Variants in MAN1C1 observed in about 807,000 individuals in gnomAD.
MAN1C1 encodes the protein mannosidase alpha class 1C member 1.
In MAN1C1, 49 loss-of-function variants were observed where a neutral mutation model predicts 71.5. The ratio of observed to expected loss-of-function variants is 0.69; its 90% CI spans 0.54 to 0.87. MAN1C1 has a LOEUF of 0.87. Ranked by LOEUF, MAN1C1 falls within the 40% of genes least tolerant of loss-of-function variation. MAN1C1 has a pLI of 0.00. For missense variants in MAN1C1, 743 were observed against 835.0 expected (o/e 0.89, Z 1.36); for synonymous variants, 352 against 343.7 (o/e 1.02, Z -0.27).
chr1:25,662,055 G>T (rs930341702), intron 1 of MAN1C1, among the ~76,000 whole-genome samples: 1 of 152,194 alleles, frequency 6.6e-6, no homozygotes, highest in Non-Finnish European at 1.5e-5. Flanking sequence ...TCAGGCCCTT[G>T]CAGGTAGTCA....
intron 1 of MAN1C1, among the ~76,000 whole-genome samples, chr1:25,637,601 T>C (rs1217566326): frequency 6.6e-6 from 1 of 151,910 alleles, no homozygotes; most frequent in Admixed American, 6.6e-5. Context: ...ACTATGTATT[T>C]TTTTTTTTTG....
chr1:25,749,656 C>A (rs1328145379), intron 4 of MAN1C1, among the ~76,000 whole-genome samples: 1 of 152,232 alleles, frequency 6.6e-6, no homozygotes, highest in Non-Finnish European at 1.5e-5. Context: ...CATTCTGCTG[C>A]CCAGGTGAGC....
At position 25,769,445 on chromosome 1, in the gene MAN1C1, C is replaced by A. The variant is rs1000059828; in HGVS notation, c.1142-2212C>A. Among the ~76,000 whole-genome samples, 2 of 152,080 alleles carry A rather than the reference C, an allele frequency of 1.3e-5. No individual in the cohort carries two copies. Among genetic ancestry groups the A allele is most frequent in the Non-Finnish European group, 2.9e-5 (2 of 68,002 alleles). On this transcript the variant is annotated intron_variant, in intron 7 of 11. Coordinates refer to ENST00000374332, the MANE Select transcript of MAN1C1 (RefSeq NM_020379.4). The surrounding 1 kb of genome is among the most constrained non-coding windows in gnomAD (Gnocchi z 4.8). Reference sequence around the variant, plus strand: ...CAGTGGGACTTTCACATGTGAGATGCCCACATAAGTGCCCCTGAGAGGCAG... The same window carrying A: ...CAGTGGGACTTTCACATGTGAGATGACCACATAAGTGCCCCTGAGAGGCAG...
intron 2 of MAN1C1, among the ~76,000 whole-genome samples, chr1:25,701,983 C>T (rs1322872677): frequency 6.6e-6 from 1 of 152,170 alleles, no homozygotes; most frequent in Non-Finnish European, 1.5e-5. Flanking sequence ...TCGCTTGAAC[C>T]TGAGAGGCAG....
rs763572420 is a variant in MAN1C1 at position 25,771,754 on chromosome 1, G to A, written c.1239G>A (p.Met413Ile). The change falls in exon 8 of 12, where the codon ATG (methionine) becomes ATA (isoleucine). Residue 413 changes from methionine (M) to isoleucine (I), a missense_variant. Met to Ile is a conservative substitution (Grantham distance 10). Coordinates refer to ENST00000374332, the MANE Select transcript of MAN1C1 (RefSeq NM_020379.4). ...SGKTDMEAKNMYYEALEAIET... is the reference protein window; with the variant it reads ...SGKTDMEAKNIYYEALEAIET... ...AGACAGATATGGAGGCTAAAAATAT[G>A]TACTACGAAGCCTTGGAGGTAAGAC... 1.9e-6 allele frequency: 3 copies of A among 1,613,480 alleles called. No individual in the cohort carries two copies. The Admixed American group carries it at 5.0e-5, about 27-fold the overall frequency.
chr1:25,703,537 C>T (rs1049360797), intron 2 of MAN1C1, among the ~76,000 whole-genome samples: 3 of 152,110 alleles, frequency 2.0e-5, no homozygotes, highest in African/African-American at 7.2e-5. Flanking sequence ...CAAAATTAGC[C>T]AGGTGTGGTG....
At position 25,725,534 on chromosome 1, in the gene MAN1C1, C is replaced by T. The variant is rs1002018117; in HGVS notation, c.638-21134C>T. Among the ~76,000 whole-genome samples, 1 of 152,162 alleles carries T rather than the reference C, an allele frequency of 6.6e-6. No individual in the cohort carries two copies. Among genetic ancestry groups the T allele is most frequent in the Admixed American group, 6.5e-5 (1 of 15,280 alleles). On this transcript the variant is annotated intron_variant, in intron 2 of 11. Transcript: ENST00000374332. This position sits in a 1 kb window ranked among gnomAD's most constrained non-coding sequence, Gnocchi z 4.8. The stretch of plus-strand genomic sequence containing the variant: ...GGCATTCTAGGTAAAGGGCACAGCA[C>T]GTGCAAGGGCATGGTGGCGTGAGAG...
At chr1:25,726,247 G>A (rs1383491640) in intron 2 of MAN1C1, among the ~76,000 whole-genome samples, 2 of 152,192 alleles carry the variant, frequency 1.3e-5, no homozygotes, top group Non-Finnish European at 2.9e-5. Context: ...GAAAGGGAAA[G>A]GGAGGGAGGA....
At chr1:25,767,620 T>C (rs1358198106) in intron 7 of MAN1C1, among the ~76,000 whole-genome samples, 3 of 39,764 alleles carry the variant, frequency 7.5e-5, no homozygotes, top group Admixed American at 3.0e-4. Flanking sequence ...ACATCCACAC[T>C]CCCCTCACAC....
At chr1:25,699,753 G>T (rs539246476) in intron 2 of MAN1C1, among the ~76,000 whole-genome samples, 1 of 152,148 alleles carries the variant, frequency 6.6e-6, no homozygotes, top group African/African-American at 2.4e-5. Flanking sequence ...CAGACAGCAG[G>T]GTCAGCCCTG....
chr1:25,702,638 G>A (rs1187608671), intron 2 of MAN1C1, among the ~76,000 whole-genome samples: 1 of 152,162 alleles, frequency 6.6e-6, no homozygotes, highest in African/African-American at 2.4e-5. Context: ...GTGTGACCTG[G>A]GGCAAGTGAA....
At chr1:25,729,580 C>T (rs1380858513) in intron 2 of MAN1C1, among the ~76,000 whole-genome samples, 1 of 151,564 alleles carries the variant, frequency 6.6e-6, no homozygotes, top group Non-Finnish European at 1.5e-5. Flanking sequence ...GGCATGATCT[C>T]GGCTCACTGC....
rs1336195216 is a variant in MAN1C1 at position 25,664,883 on chromosome 1, G to A, written c.541-21557G>A. On this transcript the variant is annotated intron_variant, in intron 1 of 11. Transcript: ENST00000374332. ...CCAGCCATTGCTACTTGGAGGATCCGTCACTGTTAGACATGCCAACAAATA... is the reference window on the plus strand; with the variant it reads ...CCAGCCATTGCTACTTGGAGGATCCATCACTGTTAGACATGCCAACAAATA... Among the ~76,000 whole-genome samples, 8 of 152,342 alleles carry A rather than the reference G, an allele frequency of 5.3e-5. No homozygotes were observed. In the East Asian group the frequency reaches 5.8e-4, roughly 11 times the overall value.
chr1:25,775,240 C>G lies in MAN1C1; in HGVS notation c.1258-2865C>G, dbSNP rs1185237117. Among the ~76,000 whole-genome samples the G allele has an allele frequency of 6.6e-6, 1 of 152,246 alleles. No homozygotes were observed. Among genetic ancestry groups the G allele is most frequent in the Non-Finnish European group, 1.5e-5 (1 of 68,040 alleles). On this transcript the variant is annotated intron_variant, in intron 8 of 11. Coordinates refer to ENST00000374332, the MANE Select transcript of MAN1C1 (RefSeq NM_020379.4). This position sits in a 1 kb window ranked among gnomAD's most constrained non-coding sequence, Gnocchi z 5.1. Reference sequence around the variant, plus strand: ...AGTGACGCCGAGCAGCTGCCAGGGACATGGCTCTGCCCGGGAGCCAGGCCG... The same window carrying G: ...AGTGACGCCGAGCAGCTGCCAGGGAGATGGCTCTGCCCGGGAGCCAGGCCG...
intron 2 of MAN1C1, among the ~76,000 whole-genome samples, chr1:25,703,319 A>T (rs1557772248): frequency 6.6e-6 from 1 of 152,224 alleles, no homozygotes; most frequent in Non-Finnish European, 1.5e-5. Context: ...TGGTGGCTGG[A>T]GAACAGCCCT....
At chr1:25,632,851 T>C (rs1452664192) in intron 1 of MAN1C1, among the ~76,000 whole-genome samples, 1 of 150,918 alleles carries the variant, frequency 6.6e-6, no homozygotes, top group African/African-American at 2.5e-5. Context: ...GAGAAGATAC[T>C]TGATACAATT....
At chr1:25,657,696 A>C (rs1231937924) in intron 1 of MAN1C1, among the ~76,000 whole-genome samples, 1 of 152,194 alleles carries the variant, frequency 6.6e-6, no homozygotes, top group Non-Finnish European at 1.5e-5. Flanking sequence ...AGCCGGAGCC[A>C]TAGACAAACA....
rs547140243 is a variant in MAN1C1, at chr1:25,736,582, A to G, written c.638-10086A>G. Among the ~76,000 whole-genome samples the G allele has an allele frequency of 1.3e-4, 20 of 152,276 alleles. No individual in the cohort carries two copies. The South Asian group carries it at 3.9e-3, about 30-fold the overall frequency. ...TGCTCTGTCGCCCAGGCTGGAGTGC[A>G]GTGGCGCCATCACAGCTCACTGCAG... On this transcript the variant is annotated intron_variant, in intron 2 of 11. Coordinates refer to ENST00000374332, the MANE Select transcript of MAN1C1 (RefSeq NM_020379.4).
At chr1:25,633,480 G>A (rs1002272122) in intron 1 of MAN1C1, among the ~76,000 whole-genome samples, 1 of 149,744 alleles carries the variant, frequency 6.7e-6, no homozygotes, top group Admixed American at 6.6e-5. Context: ...ATTTAGGATT[G>A]TAATATGTTC....
Sources: allele counts gnomAD v4.1 joint callset (sites outside exome capture counted in the v4.1 genomes callset), GRCh38; gene constraint gnomAD v4.1.1; non-coding constraint Gnocchi (gnomAD v3.1); transcripts MANE v1.5; gene names NCBI Gene and HGNC (gene_info 2026-07-23, HGNC 2026-07-21).